The following ARHGEF17 variants were observed in gnomAD, a reference collection of about 807,000 sequenced individuals.
The protein encoded by ARHGEF17 is 164 kDa Rho-specific guanine-nucleotide exchange factor.
A neutral mutation model predicts 174.0 loss-of-function variants in ARHGEF17; 80 were observed. The ratio of observed to expected loss-of-function variants is 0.46; its 90% CI spans 0.38 to 0.55. The LOEUF is 0.55. ARHGEF17 is among the 20% of genes least tolerant of loss of function. The probability of loss-of-function intolerance (pLI) is 0.00; values close to 1 mark genes in which losing one functional copy is unlikely to be tolerated. For synonymous variants in ARHGEF17, 1,311 were observed against 1,189.1 expected (o/e 1.10, Z -2.11); for missense variants, 2,886 against 2,839.7 (o/e 1.02, Z -0.37).
chr11:73,355,533 T>C lies in ARHGEF17; in HGVS notation c.3454T>C (p.Phe1152Leu). 1 of 1,612,284 alleles carries C rather than the reference T, an allele frequency of 6.2e-7. No individual in the cohort carries two copies. Among genetic ancestry groups the C allele is most frequent in the Non-Finnish European group, 8.5e-7 (1 of 1,178,360 alleles). ...CCCCAACCTGCCTCCTCCTCCACAG[T>C]TCTCCAAGGATGTCCTAGTAAACAT... is the stretch of plus-strand genomic sequence containing the variant. ...QKVGALLVQS[F>L]SKDVLVNIYS... Residue 1152 changes from phenylalanine to leucine, a missense_variant and splice_region_variant, in exon 4 of 21, where the codon TTC becomes CTC. By Grantham distance (22) the Phe-to-Leu change is conservative (BLOSUM62 0). Around this residue, in one of 4 missense-constraint regions of ARHGEF17, gnomAD observed 353 missense variants for 470.3 expected, o/e 0.75. Transcript: ENST00000263674.
In ARHGEF17 at chr11:73,365,514, A is replaced by C. The variant is rs1453201532; in HGVS notation, c.5675A>C (p.Glu1892Ala). 9.3e-6 allele frequency: 15 copies of C among 1,614,010 alleles called. No homozygotes were observed. Among genetic ancestry groups the C allele is most frequent in the Non-Finnish European group, 1.3e-5 (15 of 1,180,048 alleles). ...HVCLYHPDTFEQLAEVDVTPP... is the reference protein window; with the variant it reads ...HVCLYHPDTFAQLAEVDVTPP... Reference sequence around the variant, plus strand: ...TGTCTCTACCATCCAGACACCTTTGAGCAGCTGGCAGAAGTAGACGTCACT... The same window carrying C: ...TGTCTCTACCATCCAGACACCTTTGCGCAGCTGGCAGAAGTAGACGTCACT... Residue 1892 changes from glutamate to alanine, a missense_variant, in exon 19 of 21, where the codon GAG (glutamate) becomes GCG (alanine). Physicochemically the swap from Glu to Ala is moderately radical, Grantham distance 107 (BLOSUM62 -1). This residue lies in a region of ARHGEF17 where 329 missense variants were observed against 435.2 expected (regional missense o/e 0.76). Coordinates refer to ENST00000263674, the MANE Select transcript of ARHGEF17 (RefSeq NM_014786.4). This position sits in a 1 kb window ranked among gnomAD's most constrained non-coding sequence, Gnocchi z 4.9.
At chr11:73,345,190 G>A (rs541290339) in intron 1 of ARHGEF17, among the ~76,000 whole-genome samples, 62 of 152,218 alleles carry the variant, frequency 4.1e-4, no homozygotes, top group South Asian at 2.3e-3. Flanking sequence ...TTTTTTAGAG[G>A]TCACAAGAGT....
rs780174973 is a variant in ARHGEF17, at chr11:73,309,898, C to T, written c.1260C>T (p.Ser420=). Residue 420 remains serine, a synonymous_variant, in exon 1 of 21, where the codon AGC becomes AGT. Transcript: ENST00000263674. ...SGGWGVYRSP[S]FGAGEGLLRS... ...GCTGGGGCGTGTACCGCTCCCCTAG[C>T]TTTGGAGCTGGGGAAGGGCTCCTGC... The T allele has an allele frequency of 2.5e-6, 4 of 1,613,184 alleles. No homozygotes were observed. The East Asian group carries it at 6.7e-5, about 27-fold the overall frequency.
chr11:73,342,939 G>A (rs1865395541), intron 1 of ARHGEF17: 1 of 177,208 alleles, frequency 5.6e-6, no homozygotes, highest in South Asian at 2.0e-4. Context: ...CAGCGCGGAG[G>A]AGGCAGCAGC....
chr11:73,346,965 G>A lies in ARHGEF17; in HGVS notation c.3270+5G>A. The A allele has an allele frequency of 1.3e-6, 2 of 1,588,986 alleles. No homozygotes were observed. Among genetic ancestry groups the A allele is most frequent in the Non-Finnish European group, 1.7e-6 (2 of 1,163,832 alleles). ...TCGCTGCGCACCCTGATGCAGGTGGGGCTCGGGGCCCACTCCCCTGAGAAT... is the reference window on the plus strand; with the variant it reads ...TCGCTGCGCACCCTGATGCAGGTGGAGCTCGGGGCCCACTCCCCTGAGAAT... On this transcript the variant is annotated splice_donor_5th_base_variant and intron_variant, in intron 2 of 20. Coordinates refer to ENST00000263674, the MANE Select transcript of ARHGEF17 (RefSeq NM_014786.4).
chr11:73,347,010 G>C lies in ARHGEF17; in HGVS notation c.3270+50G>C, dbSNP rs768669837. On this transcript the variant is annotated intron_variant, in intron 2 of 20. Coordinates refer to ENST00000263674, the MANE Select transcript of ARHGEF17 (RefSeq NM_014786.4). ...GAGAATGGCCTTTCTGAGCCTAGGA[G>C]GCTGTCAGATGGGTGTGAGCAAACC... 1.1e-5 allele frequency: 17 copies of C among 1,547,876 alleles called. No individual in the cohort carries two copies. The East Asian group carries it at 3.9e-4, about 36-fold the overall frequency.
chr11:73,358,544 G>A (rs1284587345), intron 9 of ARHGEF17, among the ~76,000 whole-genome samples: 1 of 140,930 alleles, frequency 7.1e-6, no homozygotes, highest in Non-Finnish European at 1.5e-5. Context: ...TGTAACCTCT[G>A]CCTGCCGGGT....
chr11:73,320,837 C>T (rs1865006539), intron 1 of ARHGEF17, among the ~76,000 whole-genome samples: 1 of 151,810 alleles, frequency 6.6e-6, no homozygotes, highest in South Asian at 2.1e-4. Context: ...ATTTTTTTTA[C>T]TTTTAGTAGA....
intron 1 of ARHGEF17, among the ~76,000 whole-genome samples, chr11:73,313,770 G>C (rs564043055): frequency 3.9e-5 from 6 of 152,224 alleles, no homozygotes; most frequent in Admixed American, 1.3e-4. Context: ...TCTGATCCCT[G>C]TGTGGCCTAG....
intron 1 of ARHGEF17, among the ~76,000 whole-genome samples, chr11:73,317,328 A>G (rs1427528096): frequency 6.6e-6 from 1 of 152,038 alleles, no homozygotes; most frequent in African/African-American, 2.4e-5. Flanking sequence ...CATCCCTCCC[A>G]TCTGATCCTC....
chr11:73,340,070 G>A (rs901027408), intron 1 of ARHGEF17, among the ~76,000 whole-genome samples: 5 of 152,170 alleles, frequency 3.3e-5, no homozygotes, highest in African/African-American at 1.2e-4. Flanking sequence ...CCCACCTGGT[G>A]CCCTCAGCCC....
rs759108230 is a variant in ARHGEF17 at position 73,367,613 on chromosome 11, C to T, written c.6025C>T (p.Arg2009Trp). 3.1e-6 allele frequency: 5 copies of T among 1,613,578 alleles called. No individual in the cohort carries two copies. The highest frequency in any genetic ancestry group is 1.7e-5 in the Admixed American group (1 of 60,004). ...GPEKLPSLEHRDSPWHRGPAP... is the reference protein window; with the variant it reads ...GPEKLPSLEHWDSPWHRGPAP... ...CGAGAAGCTGCCATCACTGGAGCACCGGGACTCCCCTTGGCACCGAGGCCC... is the reference window on the plus strand; with the variant it reads ...CGAGAAGCTGCCATCACTGGAGCACTGGGACTCCCCTTGGCACCGAGGCCC... Residue 2009 changes from arginine to tryptophan, a missense_variant, in exon 21 of 21, where the codon CGG (arginine) becomes TGG (tryptophan). This residue lies in a region of ARHGEF17 where 329 missense variants were observed against 435.2 expected (regional missense o/e 0.76). Coordinates refer to ENST00000263674, the MANE Select transcript of ARHGEF17 (RefSeq NM_014786.4).
rs1453863220 is a variant in ARHGEF17 at position 73,365,747 on chromosome 11, A to G, written c.5795A>G (p.Glu1932Gly). The change falls in exon 20 of 21, where the codon GAG becomes GGG. Residue 1932 changes from glutamate to glycine, a missense_variant. Transcript: ENST00000263674. The surrounding 1 kb of genome is among the most constrained non-coding windows in gnomAD (Gnocchi z 4.9). ...ATCACAGCGCTGCTGGTGTGTGAGG[A>G]GCTGCTGTGGGTGGGCACCAGTGCT... ...LRITALLVCEELLWVGTSAGV... is the reference protein window; with the variant it reads ...LRITALLVCEGLLWVGTSAGV... 6.2e-7 allele frequency: 1 copy of G among 1,613,594 alleles called. No homozygotes were observed. The highest frequency in any genetic ancestry group is 1.3e-5 in the African/African-American group (1 of 74,934).
chr11:73,365,950 G>A lies in ARHGEF17; in HGVS notation c.5995+3G>A. ...CCCACCACCTCCCCCAGACACAGGT[G>A]GGTCAGTGCATCATACCCCAAGCTA... On this transcript the variant is annotated splice_donor_region_variant and intron_variant, in intron 20 of 20. Transcript: ENST00000263674. The surrounding 1 kb of genome is among the most constrained non-coding windows in gnomAD (Gnocchi z 4.9). The A allele has an allele frequency of 1.3e-6, 2 of 1,598,644 alleles. No individual in the cohort carries two copies. Among genetic ancestry groups the A allele is most frequent in the South Asian group, 2.2e-5 (2 of 90,942 alleles).
Position 73,356,676 on chromosome 11 carries a change from C to T in ARHGEF17, c.3841-33C>T, listed in dbSNP as rs749327209. 16 of 1,613,398 alleles carry T rather than the reference C, an allele frequency of 9.9e-6. No homozygotes were observed. The East Asian group carries it at 3.6e-4, about 36-fold the overall frequency. ...GGAGGGGATAGGGATTAATAACTGG[C>T]CTTCGAGATGCCTTGTCCCTCCTGT... On this transcript the variant is annotated intron_variant, in intron 6 of 20. Coordinates refer to ENST00000263674, the MANE Select transcript of ARHGEF17 (RefSeq NM_014786.4).
At chr11:73,327,511 G>A (rs1203794438) in intron 1 of ARHGEF17, among the ~76,000 whole-genome samples, 9 of 152,212 alleles carry the variant, frequency 5.9e-5, no homozygotes, top group African/African-American at 1.2e-4. Context: ...GCCTTGCCCC[G>A]CTTAGTAGAC....
At chr11:73,340,710 C>G (rs1865354816) in intron 1 of ARHGEF17, among the ~76,000 whole-genome samples, 1 of 152,176 alleles carries the variant, frequency 6.6e-6, no homozygotes, top group Non-Finnish European at 1.5e-5. Flanking sequence ...GGTTAAGTAT[C>G]CTCAGTGACC....
At position 73,368,752 on chromosome 11, in the gene ARHGEF17, C is replaced by A. The variant is rs984006040; in HGVS notation, c.*972C>A. On this transcript the variant is annotated 3_prime_UTR_variant, in exon 21 of 21. Coordinates refer to ENST00000263674, the MANE Select transcript of ARHGEF17 (RefSeq NM_014786.4). ...CACTGAATCCGTCTCCACACCCCTT[C>A]TGCCAAGGGAAGCCCCTTCAGGAAG... The A allele has an allele frequency of 2.0e-5, 3 of 152,484 alleles. No homozygotes were observed. Among genetic ancestry groups the A allele is most frequent in the African/African-American group, 7.2e-5 (3 of 41,426 alleles). The allele number at this position is 152,484 out of a possible 1,614,324, so 9.4% of individuals were successfully genotyped here. A position where few individuals can be genotyped will look rare whatever the true frequency, so the allele number is the denominator to read the frequency against.
At chr11:73,312,720 A>G (rs933561281) in intron 1 of ARHGEF17, among the ~76,000 whole-genome samples, 5 of 151,434 alleles carry the variant, frequency 3.3e-5, no homozygotes, top group South Asian at 2.1e-4. Context: ...GGCTGCCTCT[A>G]TGGGTCTGGG....
Sources: gnomAD v4.1 joint callset for allele counts (sites outside exome capture counted in the v4.1 genomes callset) on GRCh38, gnomAD v4.1.1 for gene constraint, gnomAD v4.1.1 regional missense constraint, Gnocchi (gnomAD v3.1) non-coding constraint, MANE v1.5 for transcripts, NCBI Gene and HGNC (gene_info 2026-07-23, HGNC 2026-07-21) for gene names.